Variants in TAF1C observed in about 807,000 individuals in gnomAD.
The protein encoded by TAF1C is TATA-box binding protein associated factor, RNA polymerase I subunit C, also known as TATA box-binding protein-associated factor RNA polymerase I subunit C.
In TAF1C, 79 loss-of-function variants were observed where a neutral mutation model predicts 70.5. The observed-to-expected ratio is 1.12, with a 90% CI of 0.93 to 1.35. The LOEUF (loss-of-function observed/expected upper bound fraction) is 1.35. Ranked by LOEUF, TAF1C falls within the 40% of genes most tolerant of loss-of-function variation. The probability of loss-of-function intolerance (pLI) is 0.00; values close to 1 mark genes in which losing one functional copy is unlikely to be tolerated. For synonymous variants in TAF1C, 614 were observed against 491.1 expected (o/e 1.25, Z -3.31); for missense variants, 1,412 against 1,127.8 (o/e 1.25, Z -3.61).
intron 12 of TAF1C, 133 bp downstream of exon 12, chr16:84,180,910 A>G: frequency 2.8e-6 from 4 of 1,439,188 alleles, no homozygotes; most frequent in Non-Finnish European, 3.7e-6. Flanking sequence ...TTTGGGCCAC[A>G]GATTCATCCA....
In TAF1C at chr16:84,182,409, G is replaced by A. The variant is rs376461189; in HGVS notation, c.514C>T (p.Arg172Cys). 3.0e-4 allele frequency: 476 copies of A among 1,603,298 alleles called. No individual in the cohort carries two copies. Among genetic ancestry groups the A allele is most frequent in the Non-Finnish European group, 3.7e-4 (435 of 1,177,054 alleles). ...CPWAYLSNRQRRFSILGGPIL... is the reference protein window; with the variant it reads ...CPWAYLSNRQCRFSILGGPIL... The stretch of plus-strand genomic sequence containing the variant: ...GGGCCCCCGAGGATAGAGAAGCGGC[G>A]CTGTCGGTTGCTGAGGTAAGCCCAG... The change falls in exon 7 of 15, where the codon CGC becomes TGC. Residue 172 changes from arginine to cysteine, a missense_variant. Coordinates refer to ENST00000566732, the MANE Select transcript of TAF1C (RefSeq NM_001243156.2). The surrounding 1 kb of genome is among the most constrained non-coding windows in gnomAD (Gnocchi z 5.0).
At chr16:84,181,301 G>A (rs2089172738) in intron 11 of TAF1C, 27 bp downstream of exon 11, 10 of 1,611,070 alleles carry the variant, frequency 6.2e-6, no homozygotes, top group Non-Finnish European at 8.5e-6. Flanking sequence ...CCGCAGTCGG[G>A]GTGGGTCCTC....
intron 2 of TAF1C, 74 bp downstream of exon 2, chr16:84,184,767 TTGTCAACTGA>T: frequency 6.7e-7 from 1 of 1,484,256 alleles, no homozygotes; most frequent in African/African-American, 1.4e-5. Flanking sequence ...CTCTGTGGCC[TTGTCAACTGA>T]TGTGAATGTG....
rs4150160 is a variant in TAF1C, at chr16:84,180,670, C to T, written c.1309-326G>A. ...CTCTCCTGACCCGGGAGCCTGTGCT[C>T]GAGGCACGCCTACGAATGTCCCCGG... On this transcript the variant is annotated intron_variant, in intron 12 of 14. Transcript: ENST00000566732. The T allele has an allele frequency of 2.3e-3, 1,701 of 750,184 alleles. 21 individuals carry two copies. The African/African-American group carries it at 0.028, about 12-fold the overall frequency. 46.5% of individuals were successfully genotyped at this position (750,184 alleles called of 1,614,324 possible). A position where few individuals can be genotyped will look rare whatever the true frequency, so the allele number is the denominator to read the frequency against.
chr16:84,178,767 G>A lies in TAF1C; in HGVS notation c.*174C>T, dbSNP rs1397998624. 3.1e-6 allele frequency: 2 copies of A among 649,638 alleles called. No individual in the cohort carries two copies. Among genetic ancestry groups the A allele is most frequent in the Admixed American group, 3.0e-5 (1 of 33,280 alleles). The allele number at this position is 649,638 out of a possible 1,614,324, so 40.2% of individuals were successfully genotyped here. On this transcript the variant is annotated 3_prime_UTR_variant, in exon 15 of 15. Coordinates refer to ENST00000566732, the MANE Select transcript of TAF1C (RefSeq NM_001243156.2). ...ACAAAATACAAAAGAAACTACTACT[G>A]TATTTTGTTGCCCTGTCCCTTCAAC...
chr16:84,180,042 A>G lies in TAF1C; in HGVS notation c.1525T>C (p.Ser509Pro). 6.2e-7 allele frequency: 1 copy of G among 1,608,268 alleles called. No homozygotes were observed. The highest frequency in any genetic ancestry group is 8.5e-7 in the Non-Finnish European group (1 of 1,177,942). Residue 509 changes from serine (S) to proline (P), a missense_variant, in exon 14 of 15, where the codon TCT becomes CCT. Transcript: ENST00000566732. ...SVPRLAGPPQ[S>P]LPSRIDSLPA... The stretch of plus-strand genomic sequence containing the variant: ...AGGGAGTCGATCCTGGAAGGAAGAG[A>G]CTGGGGGGGGCCTGCCAGGCGGGGC...
chr16:84,180,252 C>G lies in TAF1C; in HGVS notation c.1401G>C (p.Leu467=). 1 of 1,541,838 alleles carries G rather than the reference C, an allele frequency of 6.5e-7. No individual in the cohort carries two copies. The highest frequency in any genetic ancestry group is 8.7e-7 in the Non-Finnish European group (1 of 1,147,120). Residue 467 remains leucine (L), a synonymous_variant, in exon 13 of 15, where the codon CTG becomes CTC. Transcript: ENST00000566732. The stretch of plus-strand genomic sequence containing the variant: ...CGCAGCTGGGCCGGGGCGGAGGCAG[C>G]AGTCGGGCCAGCAGGAGCGGGGAGG... ...GLPSPLLLAR[L]LPPPRPSCVQ...
chr16:84,181,983 C>T lies in TAF1C; in HGVS notation c.797G>A (p.Gly266Glu). 6.2e-7 allele frequency: 1 copy of T among 1,613,806 alleles called. No individual in the cohort carries two copies. The highest frequency in any genetic ancestry group is 1.7e-5 in the Admixed American group (1 of 60,016). The change falls in exon 8 of 15, where the codon GGA becomes GAA. Residue 266 changes from glycine (G) to glutamate (E), a missense_variant. Transcript: ENST00000566732. ...GCATGTCACCACTTGCCGGACAGGTCCCTGGAGCTGGATGCGTCCAGGTTT... is the reference window on the plus strand; with the variant it reads ...GCATGTCACCACTTGCCGGACAGGTTCCTGGAGCTGGATGCGTCCAGGTTT... ...LGKPGRIQLQ[G>E]PVRQVVTCTV...
In TAF1C at chr16:84,178,401, A is replaced by G. The variant is rs1226408303; in HGVS notation, c.*540T>C. The G allele has an allele frequency of 4.4e-6, 2 of 457,176 alleles. No individual in the cohort carries two copies. Among genetic ancestry groups the G allele is most frequent in the Non-Finnish European group, 4.4e-6 (1 of 227,536 alleles). The allele number at this position is 457,176 out of a possible 1,614,324, so 28.3% of individuals were successfully genotyped here. On this transcript the variant is annotated 3_prime_UTR_variant, in exon 15 of 15. Transcript: ENST00000566732. ...CAATTCATCTTCAGCTGCCAAGTGT[A>G]TTTAGTCCCTGAACCTGGATCCAAG...
rs778665625 is a variant in TAF1C at position 84,179,475 on chromosome 16, C to T, written c.1998G>A (p.Leu666=). The change falls in exon 15 of 15, where the codon CTG becomes CTA. Residue 666 remains leucine, a synonymous_variant. Transcript: ENST00000566732. ...GGAGGGAGCCCAGGTCTCTCTGCAG[C>T]AGGAGCTGCCCTCGGGCCATGGCCT... The part of the protein sequence containing the change: ...LRKAMARGQL[L]LQRDLGSLPA... 7 of 1,598,108 alleles carry T rather than the reference C, an allele frequency of 4.4e-6. No homozygotes were observed. Among genetic ancestry groups the T allele is most frequent in the East Asian group, 4.5e-5 (2 of 44,724 alleles).
rs375521165 is a variant in TAF1C at position 84,178,966 on chromosome 16, C to A, written c.2507G>T (p.Arg836Leu). ...TPVLSSSQPL[R>L]KKPRMGF ...TCAGAAGCCCATTCGAGGCTTCTTC[C>A]GGAGGGGCTGAGAGCTAGAGAGGAC... The change falls in exon 15 of 15, where the codon CGG becomes CTG. Residue 836 changes from arginine (R) to leucine (L), a missense_variant. Arg to Leu is a moderately radical substitution (Grantham distance 102, BLOSUM62 -2). Coordinates refer to ENST00000566732, the MANE Select transcript of TAF1C (RefSeq NM_001243156.2). 2 of 1,609,798 alleles carry A rather than the reference C, an allele frequency of 1.2e-6. No homozygotes were observed. Among genetic ancestry groups the A allele is most frequent in the South Asian group, 2.2e-5 (2 of 90,870 alleles).
At position 84,178,510 on chromosome 16, in the gene TAF1C, A is replaced by G. The variant is rs1456724140; in HGVS notation, c.*431T>C. 2.2e-6 allele frequency: 1 copy of G among 461,332 alleles called. No homozygotes were observed. The highest frequency in any genetic ancestry group is 2.0e-5 in the African/African-American group (1 of 50,286). The allele number at this position is 461,332 out of a possible 1,614,324, so 28.6% of individuals were successfully genotyped here. On this transcript the variant is annotated 3_prime_UTR_variant, in exon 15 of 15. Transcript: ENST00000566732. Reference sequence around the variant, plus strand: ...GCAGCTGCCAACGGCCGCTGTGCCCACCTCATCAGCAGCTCTGCAGGGGCC... The same window carrying G: ...GCAGCTGCCAACGGCCGCTGTGCCCGCCTCATCAGCAGCTCTGCAGGGGCC...
At chr16:84,179,888 C>A in intron 14 of TAF1C, 37 bp from the exon 15 acceptor site, 4 of 1,608,464 alleles carry the variant, frequency 2.5e-6, no homozygotes, top group Non-Finnish European at 3.4e-6. Flanking sequence ...CAGGGCCTAG[C>A]GGGGGGAGGG....
rs1190601906 is a variant in TAF1C at position 84,183,872 on chromosome 16, A to G, written c.139-94T>C. Reference sequence around the variant, plus strand: ...CATTCATCTCTTATCAACTCATCCAATCCTCACAACAATCCTGCGAAGCTG... The same window carrying G: ...CATTCATCTCTTATCAACTCATCCAGTCCTCACAACAATCCTGCGAAGCTG... On this transcript the variant is annotated intron_variant, in intron 2 of 14. Coordinates refer to ENST00000566732, the MANE Select transcript of TAF1C (RefSeq NM_001243156.2). The G allele has an allele frequency of 6.5e-6, 6 of 922,878 alleles. No individual in the cohort carries two copies. In the Admixed American group the frequency reaches 7.4e-5, roughly 11 times the overall value. The allele number at this position is 922,878 out of a possible 1,614,324, so 57.2% of individuals were successfully genotyped here.
rs777950042 is a variant in TAF1C, at chr16:84,184,895, G to A, written c.94C>T (p.Arg32Ter). Residue 32 changes from arginine (R) to a stop codon, truncating the protein, a stop_gained, in exon 2 of 15, where the codon CGA becomes TGA. Transcript: ENST00000566732. LOFTEE classifies it high-confidence loss of function. ...VPDLSFMCSWRDALTLPEAQP... is the reference protein window; with the variant it reads ...VPDLSFMCSW ...GCCTCTGGCAGAGTCAGTGCGTCTC[G>A]CCAGCTGCACATGAAAGAGAGGTCA... 6.8e-6 allele frequency: 11 copies of A among 1,612,356 alleles called. No individual in the cohort carries two copies. The highest frequency in any genetic ancestry group is 4.5e-5 in the East Asian group (2 of 44,792).
Position 84,179,781 on chromosome 16 carries a change from C to T in TAF1C, c.1692G>A (p.Ala564=), listed in dbSNP as rs778087874. The change falls in exon 15 of 15, where the codon GCG becomes GCA. Residue 564 remains alanine (A), a synonymous_variant. Coordinates refer to ENST00000566732, the MANE Select transcript of TAF1C (RefSeq NM_001243156.2). ...GCTGCTGGTAGAAGACATCTCCCGC[C>T]GCCGAGAGCTGGAAGAGCACCAGGC... is the stretch of plus-strand genomic sequence containing the variant. ...TPGLVLFQLS[A]AGDVFYQQLR... 1.8e-5 allele frequency: 29 copies of T among 1,609,722 alleles called. No homozygotes were observed. The highest frequency in any genetic ancestry group is 1.6e-4 in the Middle Eastern group (1 of 6,062).
At chr16:84,180,940 G>A (rs2089140569) in intron 12 of TAF1C, 103 bp downstream of exon 12, 2 of 1,462,500 alleles carry the variant, frequency 1.4e-6, no homozygotes, top group Non-Finnish European at 1.8e-6. Flanking sequence ...TTGGTTTGCT[G>A]GGTGGTTGTC....
At position 84,183,247 on chromosome 16, in the gene TAF1C, C is replaced by G; in HGVS notation, c.405G>C (p.Ala135=). Reference sequence around the variant, plus strand: ...CCTGGAGTCACGGGCCACTCACCCCCGCTCCCTCCAGCTTGAAATTCTCCA... The same window carrying G: ...CCTGGAGTCACGGGCCACTCACCCCGGCTCCCTCCAGCTTGAAATTCTCCA... The part of the protein sequence containing the change: ...LMLENFKLEG[A]GSRTKKKTVV... Residue 135 remains alanine (A), a synonymous_variant, in exon 5 of 15, where the codon GCG becomes GCC. Transcript: ENST00000566732. The G allele has an allele frequency of 6.2e-7, 1 of 1,613,992 alleles. No homozygotes were observed. The highest frequency in any genetic ancestry group is 1.6e-4 in the Middle Eastern group (1 of 6,062).
rs548819921 is a variant in TAF1C at position 84,183,359 on chromosome 16, C to G, written c.319-26G>C. 13 of 1,613,966 alleles carry G rather than the reference C, an allele frequency of 8.1e-6. No homozygotes were observed. In the African/African-American group the frequency reaches 1.1e-4, roughly 13 times the overall value. On this transcript the variant is annotated intron_variant, in intron 4 of 14. Transcript: ENST00000566732. ...CTGGGGAGAAGAGGAGGCCAGGTCA[C>G]TAAGCACAGTCTCCAGGCTACGCAG...
Sources: gnomAD v4.1 joint callset for allele counts on GRCh38, gnomAD v4.1.1 for gene constraint, Gnocchi (gnomAD v3.1) non-coding constraint, MANE v1.5 for transcripts, NCBI Gene and HGNC (gene_info 2026-07-23, HGNC 2026-07-21) for gene names.